The following COQ2 variants were observed in gnomAD, a reference collection of about 807,000 sequenced individuals.
COQ2 encodes coenzyme Q2, polyprenyltransferase, also known as 4-hydroxybenzoate polyprenyltransferase, mitochondrial.
In COQ2, 25 loss-of-function variants were observed where a neutral mutation model predicts 35.7. That is an observed-to-expected ratio of 0.70 (90% CI 0.51 to 0.98). The LOEUF is 0.98. COQ2 is among the 50% of genes least tolerant of loss of function. The pLI is 0.00. For missense variants in COQ2, 488 were observed against 473.5 expected (o/e 1.03, Z -0.28); for synonymous variants, 206 against 186.2 (o/e 1.11, Z -0.86).
chr4:83,276,068 T>TAATATA (rs1408651634), intron 2 of COQ2, among the ~76,000 whole-genome samples: 1 of 10,194 alleles, frequency 9.8e-5, no homozygotes, highest in African/African-American at 1.2e-4. Flanking sequence ...TAATATATAT[T>TAATATA]TTATATATAA....
At chr4:83,276,376 T>C (rs1205622738) in intron 2 of COQ2, among the ~76,000 whole-genome samples, 1 of 152,212 alleles carries the variant, frequency 6.6e-6, no homozygotes, top group Non-Finnish European at 1.5e-5. Flanking sequence ...TTTCTTTTGC[T>C]ATGCAGAAGC....
chr4:83,284,391 G>A, intron 1 of COQ2, 121 bp downstream of exon 1: 1 of 1,421,182 alleles, frequency 7.0e-7, no homozygotes, highest in Non-Finnish European at 9.2e-7. Flanking sequence ...CGGCAGCCAA[G>A]CCCAAGCTTT....
rs1734853113 is a variant in COQ2, at chr4:83,264,102, G to A, written c.*97C>T. On this transcript the variant is annotated 3_prime_UTR_variant, in exon 7 of 7. Coordinates refer to ENST00000647002, the MANE Select transcript of COQ2 (RefSeq NM_001358921.2). ...ATATGCTCTAAATCTTCATCTTCAGGTTCTTAATTCTTTAACATATTGTAT... is the reference window on the plus strand; with the variant it reads ...ATATGCTCTAAATCTTCATCTTCAGATTCTTAATTCTTTAACATATTGTAT... 1 of 749,502 alleles carries A rather than the reference G, an allele frequency of 1.3e-6. No individual in the cohort carries two copies. The highest frequency in any genetic ancestry group is 2.0e-6 in the Non-Finnish European group (1 of 491,108). 46.4% of individuals were successfully genotyped at this position (749,502 alleles called of 1,614,324 possible).
chr4:83,272,315 C>A (rs1299178135), intron 3 of COQ2, 143 bp from the exon 4 acceptor site: 10 of 485,396 alleles, frequency 2.1e-5, no homozygotes, highest in Non-Finnish European at 3.3e-5. Flanking sequence ...ATCTTCCTAG[C>A]CTTCGACTTT....
At chr4:83,279,845 C>G (rs1735275140) in intron 1 of COQ2, among the ~76,000 whole-genome samples, 1 of 143,788 alleles carries the variant, frequency 7.0e-6, no homozygotes, top group Non-Finnish European at 1.5e-5. Flanking sequence ...GTACAATACA[C>G]TTAGACGGTC....
rs151264920 is a variant in COQ2, at chr4:83,266,458, A to G, written c.951+1128T>C. Among the ~76,000 whole-genome samples the G allele has an allele frequency of 6.7e-3, 1,022 of 151,930 alleles. 10 individuals are homozygous for G. Among genetic ancestry groups the G allele is most frequent in the African/African-American group, 0.023 (968 of 41,404 alleles). On this transcript the variant is annotated intron_variant, in intron 6 of 6. Transcript: ENST00000647002. ...CTGGAACCTCTACCTCCTGGGTTCA[A>G]GCGATTCTCCCGCCTCAGCCTCCTG...
chr4:83,275,106 T>C (rs1214706112), intron 2 of COQ2, among the ~76,000 whole-genome samples: 4 of 152,258 alleles, frequency 2.6e-5, no homozygotes, highest in Admixed American at 1.3e-4. Flanking sequence ...TGATTGCTGC[T>C]TTAAAAATCT....
intron 2 of COQ2, among the ~76,000 whole-genome samples, chr4:83,277,712 G>A (rs930015055): frequency 6.6e-6 from 1 of 152,186 alleles, no homozygotes; most frequent in Non-Finnish European, 1.5e-5. Flanking sequence ...GCTCATGCCT[G>A]TAATCCCAGC....
chr4:83,281,341 C>G (rs1735316004), intron 1 of COQ2: 1 of 152,320 alleles, frequency 6.6e-6, no homozygotes, highest in Middle Eastern at 3.4e-3. Flanking sequence ...AAATTCTAGA[C>G]AGAAAGACGT....
intron 5 of COQ2, among the ~76,000 whole-genome samples, chr4:83,268,007 C>T (rs927139014): frequency 2.4e-4 from 37 of 152,194 alleles, no homozygotes; most frequent in African/African-American, 7.9e-4. Context: ...AATGTGCAGG[C>T]CAATCAAAGC....
At position 83,272,101 on chromosome 4, in the gene COQ2, G is replaced by T; in HGVS notation, c.614C>A (p.Pro205His). ...TGTAAGCTCACCCAAGGCTAGTTGAGGCCAGTATGAAATTCTTTTCATTAG... is the reference window on the plus strand; with the variant it reads ...TGTAAGCTCACCCAAGGCTAGTTGATGCCAGTATGAAATTCTTTTCATTAG... Reference protein sequence around the residue: ...YPLMKRISYWPQLALGLTFNW... With the variant: ...YPLMKRISYWHQLALGLTFNW... The change falls in exon 4 of 7, where the codon CCT becomes CAT. Residue 205 changes from proline (P) to histidine (H), a missense_variant. Physicochemically the swap from Pro to His is moderately conservative, Grantham distance 77. Coordinates refer to ENST00000647002, the MANE Select transcript of COQ2 (RefSeq NM_001358921.2). The T allele has an allele frequency of 6.2e-7, 1 of 1,606,808 alleles. No individual in the cohort carries two copies. The highest frequency in any genetic ancestry group is 8.5e-7 in the Non-Finnish European group (1 of 1,175,826).
chr4:83,278,937 G>T lies in COQ2; in HGVS notation c.420+11C>A. On this transcript the variant is annotated intron_variant, in intron 2 of 6. Coordinates refer to ENST00000647002, the MANE Select transcript of COQ2 (RefSeq NM_001358921.2). The stretch of plus-strand genomic sequence containing the variant: ...GAAGAGCCTCTCTATTCCTTTTCAG[G>T]ATGAAATTACCTTTTTATCATAGTC... The T allele has an allele frequency of 6.4e-7, 1 of 1,559,744 alleles. No homozygotes were observed. The highest frequency in any genetic ancestry group is 2.0e-5 in the Admixed American group (1 of 50,644).
At position 83,277,377 on chromosome 4, in the gene COQ2, C is replaced by A. The variant is rs556255532; in HGVS notation, c.420+1571G>T. 5.9e-5 allele frequency among the ~76,000 whole-genome samples: 9 copies of A among 152,246 alleles called. No homozygotes were observed. In the South Asian group the frequency reaches 1.9e-3, roughly 32 times the overall value. On this transcript the variant is annotated intron_variant, in intron 2 of 6. Coordinates refer to ENST00000647002, the MANE Select transcript of COQ2 (RefSeq NM_001358921.2). ...TCATCTCACAGCCGTGCCTCTGGACCTGCTGTTCCCTCTGTCTAGAGACAC... is the reference window on the plus strand; with the variant it reads ...TCATCTCACAGCCGTGCCTCTGGACATGCTGTTCCCTCTGTCTAGAGACAC...
upstream of COQ2, chr4:83,284,944 T>G: frequency 7.0e-7 from 1 of 1,419,156 alleles, no homozygotes; most frequent in Non-Finnish European, 9.2e-7. Flanking sequence ...GAGGAATACT[T>G]AATGAAAAAG....
At chr4:83,275,096 T>C (rs925258331) in intron 2 of COQ2, among the ~76,000 whole-genome samples, 2 of 152,274 alleles carry the variant, frequency 1.3e-5, no homozygotes, top group African/African-American at 4.8e-5. Flanking sequence ...AGCATATTTA[T>C]GATTGCTGCT....
chr4:83,267,788 G>C lies in COQ2; in HGVS notation c.763-14C>G. The C allele has an allele frequency of 6.6e-7, 1 of 1,524,642 alleles. No individual in the cohort carries two copies. Among genetic ancestry groups the C allele is most frequent in the Non-Finnish European group, 8.8e-7 (1 of 1,134,452 alleles). 94.4% of individuals were successfully genotyped at this position (1,524,642 alleles called of 1,614,324 possible). ...ATCTCTTTTGTCCTAATATCAGAAA[G>C]AAAAATAAACTGTTTTTTGAGATTT... On this transcript the variant is annotated splice_polypyrimidine_tract_variant and intron_variant, in intron 5 of 6. Transcript: ENST00000647002.
chr4:83,279,812 C>T (rs1207565860), intron 1 of COQ2, among the ~76,000 whole-genome samples: 1 of 150,238 alleles, frequency 6.7e-6, no homozygotes, highest in Non-Finnish European at 1.5e-5. Flanking sequence ...AAAAAGTTAG[C>T]AAAATTTCCT....
At chr4:83,269,714 GAAA>G in intron 5 of COQ2, 143 bp downstream of exon 5, 1 of 704,024 alleles carries the variant, frequency 1.4e-6, no homozygotes, top group Non-Finnish European at 2.1e-6. Context: ...TTTCTTTTTA[GAAA>G]AAAAAAATTC....
intron 1 of COQ2, among the ~76,000 whole-genome samples, 177 bp from the exon 2 acceptor site, chr4:83,279,291 G>A (rs983040079): frequency 4.0e-5 from 6 of 151,716 alleles, no homozygotes; most frequent in African/African-American, 1.5e-4. Flanking sequence ...TACGCAGAGT[G>A]CCTAGAAGAA....
Sources: allele counts gnomAD v4.1 joint callset (sites outside exome capture counted in the v4.1 genomes callset), GRCh38; gene constraint gnomAD v4.1.1; transcripts MANE v1.5; gene names NCBI Gene and HGNC (gene_info 2026-07-23, HGNC 2026-07-21).